ST6GALNAC1: variants seen among roughly 807,000 people sequenced by gnomAD.
ST6GALNAC1 encodes alpha-N-acetylgalactosaminide alpha-2,6-sialyltransferase 1.
ST6GALNAC1 carries 45 observed loss-of-function variants against 56.8 expected under a neutral mutation model. That is an observed-to-expected ratio of 0.79 (90% CI 0.62 to 1.02). The LOEUF (loss-of-function observed/expected upper bound fraction) is 1.02, where lower values mean the gene tolerates loss of function less well. Among genes scored for constraint, ST6GALNAC1 ranks in the 50% least tolerant of loss-of-function variants. ST6GALNAC1 has a pLI of 0.00. For missense variants in ST6GALNAC1, 743 were observed against 754.8 expected (o/e 0.98, Z 0.18); for synonymous variants, 295 against 297.8 (o/e 0.99, Z 0.10).
Position 76,625,479 on chromosome 17 carries a change from G to C in ST6GALNAC1, c.1654C>G (p.His552Asp). The C allele has an allele frequency of 6.2e-7, 1 of 1,614,114 alleles. No homozygotes were observed. The highest frequency in any genetic ancestry group is 8.5e-7 in the Non-Finnish European group (1 of 1,180,032). The change falls in exon 9 of 9, where the codon CAC becomes GAC. Residue 552 changes from histidine to aspartate, a missense_variant. Coordinates refer to ENST00000156626, the MANE Select transcript of ST6GALNAC1 (RefSeq NM_018414.5). Reference protein sequence around the residue: ...ITEGHERFSDHYYDTSWKRLI... With the variant: ...ITEGHERFSDDYYDTSWKRLI... The stretch of plus-strand genomic sequence containing the variant: ...CGCTTCCATGATGTATCATAGTAGT[G>C]ATCAGAAAAGCGCTCATGGCCCTCA...
rs150539470 is a variant in ST6GALNAC1 at position 76,639,574 on chromosome 17, C to T, written c.131+3934G>A. 6.7e-3 allele frequency among the ~76,000 whole-genome samples: 1,015 copies of T among 151,010 alleles called. 15 individuals carry two copies. The highest frequency in any genetic ancestry group is 0.024 in the African/African-American group (977 of 40,974). ...TGGGTGACAGACCCAGACTCCATCT[C>T]GAAAAATAAATGAAGAAATTACATA... On this transcript the variant is annotated intron_variant, in intron 1 of 8. Transcript: ENST00000156626.
downstream of ST6GALNAC1, among the ~76,000 whole-genome samples, chr17:76,620,368 G>A (rs921531483): frequency 2.0e-5 from 3 of 151,994 alleles, no homozygotes; most frequent in Non-Finnish European, 4.4e-5. Context: ...GTTTCTCTTT[G>A]TATTCAATTT....
chr17:76,627,641 G>T lies in ST6GALNAC1; in HGVS notation c.832-58C>A. On this transcript the variant is annotated intron_variant, in intron 2 of 8. Transcript: ENST00000156626. The surrounding 1 kb of genome is among the most constrained non-coding windows in gnomAD (Gnocchi z 4.4). ...AGACCCAGAAAGGCCATCGGCCAGG[G>T]GCTGCACCACTGCAGCAAGGGCTGG... 6.5e-7 allele frequency: 1 copy of T among 1,543,516 alleles called. No individual in the cohort carries two copies. Among genetic ancestry groups the T allele is most frequent in the Non-Finnish European group, 8.8e-7 (1 of 1,130,074 alleles).
chr17:76,635,779 C>A (rs1221413361), intron 1 of ST6GALNAC1, among the ~76,000 whole-genome samples: 1 of 152,172 alleles, frequency 6.6e-6, no homozygotes, highest in African/African-American at 2.4e-5. Context: ...TCAGAGGTAT[C>A]TGCTAGAGAT....
chr17:76,630,484 C>T (rs2075876081), intron 1 of ST6GALNAC1, among the ~76,000 whole-genome samples: 1 of 152,116 alleles, frequency 6.6e-6, no homozygotes, highest in Non-Finnish European at 1.5e-5. Flanking sequence ...CTATTCTGAC[C>T]TTGAAACTGA....
At chr17:76,621,935 T>C (rs1860349), downstream of ST6GALNAC1, among the ~76,000 whole-genome samples, 27,059 of 96,382 alleles carry the variant, frequency 0.28, 2,928 homozygotes, top group South Asian at 0.5. Context: ...GTTTAAAGTC[T>C]TTCTTTTCTT....
intron 1 of ST6GALNAC1, among the ~76,000 whole-genome samples, chr17:76,642,245 A>ATCTATCTATCTATCTATCTATCC (rs2076059552): frequency 9.7e-6 from 1 of 102,746 alleles, no homozygotes; most frequent in African/African-American, 6.4e-5. Flanking sequence ...TCTATCTATC[A>ATCTATCTATCTATCTATCTATCC]TCTATCTATC....
downstream of ST6GALNAC1, among the ~76,000 whole-genome samples, chr17:76,621,182 C>CCTTTTTTTTTTT (rs1555633321): frequency 9.5e-6 from 1 of 105,324 alleles, no homozygotes; most frequent in African/African-American, 3.5e-5. Flanking sequence ...TTCTTTCTTT[C>CCTTTTTTTTTTT]TTTCTTTTTT....
At chr17:76,631,326 A>G (rs2075896262) in intron 1 of ST6GALNAC1, among the ~76,000 whole-genome samples, 1 of 152,132 alleles carries the variant, frequency 6.6e-6, no homozygotes, top group African/African-American at 2.4e-5. Flanking sequence ...CTTGGATGAG[A>G]GATATTTCTA....
At chr17:76,641,280 C>T (rs541623126) in intron 1 of ST6GALNAC1, among the ~76,000 whole-genome samples, 1 of 152,208 alleles carries the variant, frequency 6.6e-6, no homozygotes, top group South Asian at 2.1e-4. Flanking sequence ...GTTAATGTGA[C>T]TGGGCCAGTG....
intron 1 of ST6GALNAC1, among the ~76,000 whole-genome samples, 163 bp downstream of exon 1, chr17:76,643,345 C>A (rs2076073545): frequency 1.3e-5 from 2 of 152,302 alleles, no homozygotes; most frequent in South Asian, 4.1e-4. Context: ...GCAAGTCTTC[C>A]CATTAGTCTT....
Position 76,627,123 on chromosome 17 carries a change from GC to G in ST6GALNAC1, c.1115del (p.Gly372AlafsTer3). 1.9e-6 allele frequency: 3 copies of G among 1,593,552 alleles called. No individual in the cohort carries two copies. The highest frequency in any genetic ancestry group is 2.6e-6 in the Non-Finnish European group (3 of 1,169,646). ...GGCCCATGTGGGAGTTGTTCAGGAT[GC>G]CCCCGTTGCCCACCACGGCACAGGT... ...CITCAVVGNG[G>X]ILNNSHMGQE... On this transcript the variant is annotated frameshift_variant, in exon 4 of 9. Transcript: ENST00000156626. LOFTEE classifies it high-confidence loss of function. The surrounding 1 kb of genome is among the most constrained non-coding windows in gnomAD (Gnocchi z 4.4).
intron 1 of ST6GALNAC1, among the ~76,000 whole-genome samples, chr17:76,640,103 G>A (rs1007565731): frequency 2.0e-5 from 3 of 152,090 alleles, no homozygotes; most frequent in African/African-American, 7.2e-5. Context: ...CTAGGATCAC[G>A]TCTCCCACTG....
chr17:76,637,117 G>A (rs1359786471), intron 1 of ST6GALNAC1, among the ~76,000 whole-genome samples: 1 of 151,622 alleles, frequency 6.6e-6, no homozygotes, highest in East Asian at 1.9e-4. Flanking sequence ...AAGTTCCCAG[G>A]GACACAAACA....
Position 76,643,520 on chromosome 17 carries a change from G to T in ST6GALNAC1, c.119C>A (p.Thr40Lys). The T allele has an allele frequency of 6.2e-7, 1 of 1,614,050 alleles. No individual in the cohort carries two copies. The highest frequency in any genetic ancestry group is 8.5e-7 in the Non-Finnish European group (1 of 1,179,944). ...ACAAGAATCTTACCTGGAAGGCTTT[G>T]TTTGAGGCTCCTTAATAAAAGAGGG... ...ALPSFIKEPQTKPSRHQRTEN... is the reference protein window; with the variant it reads ...ALPSFIKEPQKKPSRHQRTEN... The change falls in exon 1 of 9, where the codon ACA (threonine) becomes AAA (lysine). Residue 40 changes from threonine (T) to lysine (K), a missense_variant. By Grantham distance (78) the Thr-to-Lys change is moderately conservative. Coordinates refer to ENST00000156626, the MANE Select transcript of ST6GALNAC1 (RefSeq NM_018414.5).
chr17:76,643,418 G>T, intron 1 of ST6GALNAC1, 90 bp downstream of exon 1: 1 of 1,431,050 alleles, frequency 7.0e-7, no homozygotes, highest in Non-Finnish European at 9.5e-7. Flanking sequence ...CACACAGGTG[G>T]CTCAGACTTC....
downstream of ST6GALNAC1, among the ~76,000 whole-genome samples, chr17:76,622,756 A>C (rs1290758820): frequency 6.6e-6 from 1 of 151,324 alleles, no homozygotes; most frequent in East Asian, 1.9e-4. Flanking sequence ...CGTTCTAGTC[A>C]AAGAGCTACT....
rs1001586587 is a variant in ST6GALNAC1 at position 76,627,672 on chromosome 17, G to T, written c.832-89C>A. 7.5e-7 allele frequency: 1 copy of T among 1,325,904 alleles called. No homozygotes were observed. Among genetic ancestry groups the T allele is most frequent in the Non-Finnish European group, 1.0e-6 (1 of 954,586 alleles). 82.1% of individuals were successfully genotyped at this position (1,325,904 alleles called of 1,614,324 possible). On this transcript the variant is annotated intron_variant, in intron 2 of 8. Transcript: ENST00000156626. The surrounding 1 kb of genome is among the most constrained non-coding windows in gnomAD (Gnocchi z 4.4). ...ACCACTGCAGCAAGGGCTGGGGCTC[G>T]CAGTTTGGAAGGCGCGGCCTCTGCT...
Position 76,629,313 on chromosome 17 carries a change from G to T in ST6GALNAC1, c.530C>A (p.Ser177Tyr), listed in dbSNP as rs373212469. Residue 177 changes from serine (S) to tyrosine (Y), a missense_variant, in exon 2 of 9, where the codon TCC becomes TAC. Ser to Tyr is a moderately radical substitution (Grantham distance 144, BLOSUM62 -2). Transcript: ENST00000156626. ...CTGGTGCTTCTCTGACACCGTCCTG[G>T]AGGCCGTCAGCTTCCTGGTCTGGCC... ...NGGQTRKLTA[S>Y]RTVSEKHQGK... 9.3e-6 allele frequency: 15 copies of T among 1,614,182 alleles called. No individual in the cohort carries two copies. The highest frequency in any genetic ancestry group is 1.3e-5 in the Non-Finnish European group (15 of 1,180,030).
Sources: allele counts gnomAD v4.1 joint callset (sites outside exome capture counted in the v4.1 genomes callset), GRCh38; gene constraint gnomAD v4.1.1; non-coding constraint Gnocchi (gnomAD v3.1); transcripts MANE v1.5; gene names NCBI Gene and HGNC (gene_info 2026-07-23, HGNC 2026-07-21).